The following HS3ST3B1 variants were observed in gnomAD, a reference collection of about 807,000 sequenced individuals.
The protein encoded by HS3ST3B1 is heparan sulfate-glucosamine 3-sulfotransferase 3B1.
Under a neutral mutation model 21.3 loss-of-function variants are expected in HS3ST3B1, and 13 were observed. The observed-to-expected ratio is 0.61, with a 90% CI of 0.40 to 0.97. HS3ST3B1 has a LOEUF of 0.97. HS3ST3B1 is among the 50% of genes least tolerant of loss of function. HS3ST3B1 has a pLI of 0.00. For missense variants in HS3ST3B1, 459 were observed against 554.8 expected, an observed-to-expected ratio of 0.83 and a Z score of 1.73; for synonymous variants, 234 against 254.8, an observed-to-expected ratio of 0.92 and a Z score of 0.78.
intron 1 of HS3ST3B1, among the ~76,000 whole-genome samples, chr17:14,316,812 T>G (rs1312922723): frequency 6.6e-6 from 1 of 152,220 alleles, no homozygotes; most frequent in Admixed American, 6.5e-5. Context: ...TAGGTGTCAC[T>G]GGGGAAGGAG....
intron 1 of HS3ST3B1, among the ~76,000 whole-genome samples, chr17:14,336,674 C>T (rs550515884): frequency 1.4e-4 from 22 of 152,266 alleles, no homozygotes; most frequent in Admixed American, 4.6e-4. Context: ...AGGCTATCTC[C>T]GACTGCAGAT....
intron 1 of HS3ST3B1, among the ~76,000 whole-genome samples, chr17:14,344,545 G>A: frequency 6.6e-6 from 1 of 152,170 alleles, no homozygotes; most frequent in African/African-American, 2.4e-5. Context: ...CGGGACCCGA[G>A]GGATGTTTTC....
intron 1 of HS3ST3B1, among the ~76,000 whole-genome samples, chr17:14,322,325 C>T (rs1358863456): frequency 2.6e-5 from 4 of 151,998 alleles, no homozygotes; most frequent in Admixed American, 6.6e-5. Context: ...TCAGCCTCAC[C>T]GTCCCATTCT....
In HS3ST3B1 at chr17:14,301,255, C is replaced by T; in HGVS notation, c.-264C>T. 1 of 482,684 alleles carries T rather than the reference C, an allele frequency of 2.1e-6. No individual in the cohort carries two copies. Among genetic ancestry groups the T allele is most frequent in the South Asian group, 3.6e-5 (1 of 28,158 alleles). The allele number at this position is 482,684 out of a possible 1,614,324, so 29.9% of individuals were successfully genotyped here. ...CGCGTCGTCGCGCCCCGGGAGCAGA[C>T]CCTCGCCCAGCAGTTACCGCCGTCC... On this transcript the variant is annotated 5_prime_UTR_variant, in exon 1 of 2. Coordinates refer to ENST00000360954, the MANE Select transcript of HS3ST3B1 (RefSeq NM_006041.3).
At chr17:14,309,167 A>T (rs1909224334) in intron 1 of HS3ST3B1, among the ~76,000 whole-genome samples, 2 of 152,192 alleles carry the variant, frequency 1.3e-5, no homozygotes, top group Admixed American at 1.3e-4. Flanking sequence ...CGGGGGCGCT[A>T]CCACGGGCGG....
chr17:14,344,252 T>C (rs2142355757), intron 1 of HS3ST3B1, among the ~76,000 whole-genome samples: 1 of 152,304 alleles, frequency 6.6e-6, no homozygotes, highest in Non-Finnish European at 1.5e-5. Context: ...TCAGCTTTTA[T>C]TTTAGATTCA....
At chr17:14,308,087 TA>T (rs1221881347) in intron 1 of HS3ST3B1, among the ~76,000 whole-genome samples, 1 of 152,234 alleles carries the variant, frequency 6.6e-6, no homozygotes, top group Non-Finnish European at 1.5e-5. Context: ...TTTATATATT[TA>T]AAACATTACC....
Position 14,303,278 on chromosome 17 carries a change from AGAG to A in HS3ST3B1, c.554+1210_554+1212del, listed in dbSNP as rs769831027. On this transcript the variant is annotated intron_variant, in intron 1 of 1. Coordinates refer to ENST00000360954, the MANE Select transcript of HS3ST3B1 (RefSeq NM_006041.3). The surrounding 1 kb of genome is among the most constrained non-coding windows in gnomAD (Gnocchi z 5.7). ...GACGCTCAAGACTTGGGAAAACAAAAGAGGAGAAGATAACTGAACCCCTCTCCC... is the reference window on the plus strand; with the variant it reads ...GACGCTCAAGACTTGGGAAAACAAAAGAGAAGATAACTGAACCCCTCTCCC... 2.6e-5 allele frequency among the ~76,000 whole-genome samples: 4 copies of A among 152,148 alleles called. No homozygotes were observed. The highest frequency in any genetic ancestry group is 6.5e-5 in the Admixed American group (1 of 15,282).
At chr17:14,340,582 C>T (rs1433405799) in intron 1 of HS3ST3B1, among the ~76,000 whole-genome samples, 5 of 152,002 alleles carry the variant, frequency 3.3e-5, no homozygotes, top group Non-Finnish European at 1.5e-5. Context: ...ATTAATTACT[C>T]TTTTCTTTTT....
At chr17:14,318,008 G>A (rs1417875601) in intron 1 of HS3ST3B1, among the ~76,000 whole-genome samples, 1 of 152,116 alleles carries the variant, frequency 6.6e-6, no homozygotes, top group African/African-American at 2.4e-5. Context: ...AGCAGTTCCC[G>A]ATGGTGTTTG....
intron 1 of HS3ST3B1, among the ~76,000 whole-genome samples, chr17:14,318,024 A>G (rs1182097675): frequency 6.6e-6 from 1 of 152,124 alleles, no homozygotes; most frequent in Non-Finnish European, 1.5e-5. Flanking sequence ...GTTTGCAAAT[A>G]TGGCTGGGAC....
At chr17:14,321,695 A>T (rs1909663835) in intron 1 of HS3ST3B1, among the ~76,000 whole-genome samples, 1 of 69,556 alleles carries the variant, frequency 1.4e-5, no homozygotes, top group Non-Finnish European at 4.0e-5. Context: ...TAGAACACTG[A>T]TGGCGGTTGA....
chr17:14,311,771 T>A (rs1909312608), intron 1 of HS3ST3B1, among the ~76,000 whole-genome samples: 1 of 152,116 alleles, frequency 6.6e-6, no homozygotes, highest in African/African-American at 2.4e-5. Context: ...CCTGTTTTAG[T>A]TGGTGGCTTG....
At chr17:14,324,935 G>A (rs1376615147) in intron 1 of HS3ST3B1, among the ~76,000 whole-genome samples, 1 of 152,142 alleles carries the variant, frequency 6.6e-6, no homozygotes, top group Non-Finnish European at 1.5e-5. Flanking sequence ...GATACATAAA[G>A]CACAGAGAGC....
chr17:14,313,200 C>A (rs1432220784), intron 1 of HS3ST3B1, among the ~76,000 whole-genome samples: 1 of 149,616 alleles, frequency 6.7e-6, no homozygotes, highest in Admixed American at 6.7e-5. Context: ...GAACTCCTGA[C>A]CTTGTGATCC....
intron 1 of HS3ST3B1, among the ~76,000 whole-genome samples, chr17:14,337,740 G>C (rs1910231205): frequency 6.6e-6 from 1 of 151,560 alleles, no homozygotes; most frequent in African/African-American, 2.4e-5. Context: ...CTGAGCGTGT[G>C]ACCTTCACTC....
chr17:14,313,124 G>A (rs12449373), intron 1 of HS3ST3B1, among the ~76,000 whole-genome samples: 50,551 of 127,640 alleles, frequency 0.4, 10,591 homozygotes, highest in Admixed American at 0.54. Flanking sequence ...ATATATATAT[G>A]TGTGTGTGTG....
In HS3ST3B1 at chr17:14,346,347, G is replaced by A. The variant is rs1043189385; in HGVS notation, c.*701G>A. The A allele has an allele frequency of 1.4e-5, 2 of 141,220 alleles. No individual in the cohort carries two copies. The highest frequency in any genetic ancestry group is 3.0e-5 in the Non-Finnish European group (2 of 66,638). 8.7% of individuals were successfully genotyped at this position (141,220 alleles called of 1,614,324 possible). A position where few individuals can be genotyped will look rare whatever the true frequency, so the allele number is the denominator to read the frequency against. Reference sequence around the variant, plus strand: ...TGCTTACCACAACCTCTGGCTCCCGGTTCAAGCGATTCTCCTGTCTCAGCC... The same window carrying A: ...TGCTTACCACAACCTCTGGCTCCCGATTCAAGCGATTCTCCTGTCTCAGCC... On this transcript the variant is annotated 3_prime_UTR_variant, in exon 2 of 2. Transcript: ENST00000360954.
At chr17:14,326,038 C>T (rs1053176595) in intron 1 of HS3ST3B1, among the ~76,000 whole-genome samples, 10 of 151,738 alleles carry the variant, frequency 6.6e-5, no homozygotes, top group Non-Finnish European at 1.2e-4. Flanking sequence ...TGTGTGTGCA[C>T]GCACGTGTGT....
Sources: gnomAD v4.1 joint callset for allele counts (sites outside exome capture counted in the v4.1 genomes callset) on GRCh38, gnomAD v4.1.1 for gene constraint, Gnocchi (gnomAD v3.1) non-coding constraint, MANE v1.5 for transcripts, NCBI Gene and HGNC (gene_info 2026-07-23, HGNC 2026-07-21) for gene names.